The following OSBPL10 variants were observed in gnomAD, a reference collection of about 807,000 sequenced individuals.
OSBPL10 encodes oxysterol binding protein like 10, also known as oxysterol-binding protein-related protein 10.
OSBPL10 carries 49 observed loss-of-function variants against 81.7 expected under a neutral mutation model. The observed-to-expected ratio is 0.60, with a 90% confidence interval of 0.48 to 0.76. OSBPL10 has a LOEUF of 0.76. Among genes scored for constraint, OSBPL10 ranks in the 30% least tolerant of loss-of-function variants. OSBPL10 has a pLI of 0.00. For missense variants in OSBPL10, 923 were observed against 987.8 expected, an observed-to-expected ratio of 0.93 and a Z score of 0.88; for synonymous variants, 419 against 383.6, an observed-to-expected ratio of 1.09 and a Z score of -1.08.
At chr3:31,839,061 T>C (rs529278517) in intron 3 of OSBPL10, among the ~76,000 whole-genome samples, 6 of 152,350 alleles carry the variant, frequency 3.9e-5, no homozygotes, top group South Asian at 4.1e-4. Flanking sequence ...ATTTGATACA[T>C]GGCCTCACCT....
intron 11 of OSBPL10, chr3:31,662,879 T>A (rs1297292444): frequency 1.0e-6 from 1 of 985,340 alleles, no homozygotes; most frequent in Admixed American, 6.1e-5. Context: ...GAAGGATCTT[T>A]CAAGGTTTTA....
intron 1 of OSBPL10, among the ~76,000 whole-genome samples, chr3:32,048,009 A>G (rs1409717908): frequency 2.0e-5 from 3 of 152,062 alleles, no homozygotes; most frequent in African/African-American, 7.2e-5. Context: ...GTATCTTGTG[A>G]TACCAGTCCT....
At chr3:31,895,664 C>T (rs1696034111) in intron 1 of OSBPL10, among the ~76,000 whole-genome samples, 1 of 152,114 alleles carries the variant, frequency 6.6e-6, no homozygotes, top group Non-Finnish European at 1.5e-5. Flanking sequence ...CTTCCTGTGC[C>T]AATGTGAACA....
chr3:31,788,050 T>C (rs1320633026), intron 4 of OSBPL10, among the ~76,000 whole-genome samples: 1 of 151,928 alleles, frequency 6.6e-6, no homozygotes, highest in East Asian at 1.9e-4. Flanking sequence ...GATGAGAAAA[T>C]GTTGCTAATA....
intron 11 of OSBPL10, chr3:31,662,329 C>A: frequency 7.7e-7 from 1 of 1,295,424 alleles, no homozygotes; most frequent in Non-Finnish European, 9.8e-7. Context: ...AGGAGGAAAC[C>A]CCAAGAAATG....
chr3:32,041,299 T>C (rs1699573023), intron 2 of OSBPL10, among the ~76,000 whole-genome samples: 1 of 152,200 alleles, frequency 6.6e-6, no homozygotes, highest in Non-Finnish European at 1.5e-5. Flanking sequence ...CAAAGTGTCA[T>C]TTCTTCTGTG....
chr3:32,031,705 C>T (rs1699470906), intron 2 of OSBPL10, among the ~76,000 whole-genome samples: 1 of 152,096 alleles, frequency 6.6e-6, no homozygotes, highest in Non-Finnish European at 1.5e-5. Context: ...CCACCCACCT[C>T]GGCCTCCCAA....
At chr3:31,795,460 G>C (rs1041163787) in intron 4 of OSBPL10, 2 of 172,606 alleles carry the variant, frequency 1.2e-5, no homozygotes, top group African/African-American at 4.8e-5. Context: ...AAACCTTTCG[G>C]CACTACTCAC....
At chr3:31,868,348 G>A (rs1179633010) in intron 3 of OSBPL10, among the ~76,000 whole-genome samples, 1 of 152,156 alleles carries the variant, frequency 6.6e-6, no homozygotes, top group Non-Finnish European at 1.5e-5. Flanking sequence ...CATTTGCAGT[G>A]AGGATGGGGA....
intron 1 of OSBPL10, among the ~76,000 whole-genome samples, chr3:31,901,831 A>T (rs1026208314): frequency 6.6e-6 from 1 of 152,142 alleles, no homozygotes; most frequent in Non-Finnish European, 1.5e-5. Context: ...TGAGCTCAGG[A>T]GTTCAAGATC....
intron 1 of OSBPL10, among the ~76,000 whole-genome samples, chr3:31,950,932 A>T (rs996802751): frequency 6.6e-6 from 1 of 152,232 alleles, no homozygotes; most frequent in Non-Finnish European, 1.5e-5. Flanking sequence ...ATGCCTGTAC[A>T]GTCTTCACAA....
intron 2 of OSBPL10, among the ~76,000 whole-genome samples, chr3:32,013,057 T>C (rs1317905251): frequency 6.6e-6 from 1 of 152,100 alleles, no homozygotes; most frequent in East Asian, 1.9e-4. Context: ...TTAACAAGGA[T>C]ATCCAGGAAT....
intron 1 of OSBPL10, among the ~76,000 whole-genome samples, chr3:31,961,547 A>G (rs568590499): frequency 2.6e-5 from 4 of 152,214 alleles, no homozygotes; most frequent in African/African-American, 9.6e-5. Context: ...TAATAATGCT[A>G]ATAATGCTGG....
intron 6 of OSBPL10, among the ~76,000 whole-genome samples, chr3:31,732,176 G>A (rs1243983415): frequency 6.6e-6 from 1 of 152,146 alleles, no homozygotes; most frequent in African/African-American, 2.4e-5. Flanking sequence ...GAAACTCCTT[G>A]TACATACAGA....
intron 3 of OSBPL10, among the ~76,000 whole-genome samples, chr3:31,833,095 A>T (rs1700285591): frequency 1.3e-5 from 2 of 152,234 alleles, no homozygotes; most frequent in African/African-American, 4.8e-5. Context: ...CAATCTTTTC[A>T]CTTGGAGAGT....
chr3:31,688,937 T>G (rs2125561517), intron 7 of OSBPL10, among the ~76,000 whole-genome samples: 1 of 152,280 alleles, frequency 6.6e-6, no homozygotes, highest in East Asian at 1.9e-4. Flanking sequence ...CCAAAAAGAA[T>G]GTGGCTGGAT....
intron 5 of OSBPL10, 96 bp downstream of exon 5, chr3:31,747,814 G>T: frequency 2.4e-6 from 3 of 1,270,378 alleles, no homozygotes; most frequent in Non-Finnish European, 3.4e-6. Context: ...TGGATGGATC[G>T]TAGAGAAATG....
chr3:31,671,087 G>C, intron 8 of OSBPL10, 104 bp from the exon 9 acceptor site: 1 of 1,113,920 alleles, frequency 9.0e-7, no homozygotes, highest in Non-Finnish European at 1.3e-6. Flanking sequence ...CTGCACAGAT[G>C]TCACATCTCC....
At chr3:32,014,147 G>C (rs1211319983) in intron 2 of OSBPL10, among the ~76,000 whole-genome samples, 8 of 152,082 alleles carry the variant, frequency 5.3e-5, no homozygotes, top group Admixed American at 1.3e-4. Context: ...AACAAAAAAA[G>C]AGAATTTTAG....
Sources: allele counts gnomAD v4.1 joint callset (sites outside exome capture counted in the v4.1 genomes callset), GRCh38; gene constraint gnomAD v4.1.1; transcripts MANE v1.5; gene names NCBI Gene and HGNC (gene_info 2026-07-23, HGNC 2026-07-21).